The following AGBL3 variants were observed in gnomAD, a reference collection of about 807,000 sequenced individuals.
AGBL3 encodes the protein AGBL carboxypeptidase 3.
AGBL3 carries 68 observed loss-of-function variants against 94.5 expected under a neutral mutation model. The observed-to-expected ratio is 0.72, with a 90% CI of 0.59 to 0.88. The LOEUF (loss-of-function observed/expected upper bound fraction) is 0.88, where lower values mean the gene tolerates loss of function less well. Ranked by LOEUF, AGBL3 falls within the 40% of genes least tolerant of loss-of-function variation. The pLI, the probability that AGBL3 is intolerant of heterozygous loss-of-function variation, is 0.00. For missense variants in AGBL3, 934 were observed against 1,103.8 expected, an observed-to-expected ratio of 0.85 and a Z score of 2.18; for synonymous variants, 354 against 370.7, an observed-to-expected ratio of 0.95 and a Z score of 0.52.
chr7:135,069,146 G>C (rs1169651226), intron 12 of AGBL3, among the ~76,000 whole-genome samples: 1 of 152,152 alleles, frequency 6.6e-6, no homozygotes, highest in East Asian at 1.9e-4. Context: ...TTACATAATG[G>C]TAAAGGGATC....
intron 15 of AGBL3, among the ~76,000 whole-genome samples, chr7:135,099,377 T>G (rs547834410): frequency 6.6e-6 from 1 of 152,298 alleles, no homozygotes. Context: ...TTTGTGTGTC[T>G]GAATGAAACA....
intron 5 of AGBL3, among the ~76,000 whole-genome samples, chr7:135,027,779 C>T (rs113524960): frequency 8.6e-5 from 13 of 151,642 alleles, no homozygotes; most frequent in African/African-American, 3.1e-4. Context: ...GAGATGGACA[C>T]CCTAAACACC....
At chr7:135,071,217 A>C (rs1819875067) in intron 12 of AGBL3, among the ~76,000 whole-genome samples, 2 of 152,198 alleles carry the variant, frequency 1.3e-5, no homozygotes, top group African/African-American at 4.8e-5. Context: ...TCAATGAAAT[A>C]AAAGAGGATA....
chr7:135,128,477 T>G, intron 16 of AGBL3: 1 of 750,802 alleles, frequency 1.3e-6, no homozygotes. Flanking sequence ...GAGGATGAAT[T>G]GCTGGCCCCA....
chr7:135,064,409 C>G (rs1395171152), intron 12 of AGBL3, among the ~76,000 whole-genome samples: 1 of 152,134 alleles, frequency 6.6e-6, no homozygotes, highest in Admixed American at 6.6e-5. Flanking sequence ...GATCTTTGAT[C>G]AGAGGAATGA....
chr7:135,060,087 C>T (rs892854454), intron 12 of AGBL3, among the ~76,000 whole-genome samples: 3 of 152,138 alleles, frequency 2.0e-5, no homozygotes, highest in African/African-American at 7.2e-5. Context: ...CCGGAGTACA[C>T]AAGGTTAAAC....
chr7:135,005,093 A>G (rs1812216462), intron 4 of AGBL3, among the ~76,000 whole-genome samples: 1 of 151,658 alleles, frequency 6.6e-6, no homozygotes, highest in Non-Finnish European at 1.5e-5. Flanking sequence ...GCTTTATCAC[A>G]TATGTAGCCA....
intron 16 of AGBL3, among the ~76,000 whole-genome samples, chr7:135,125,333 A>G (rs966993025): frequency 3.3e-5 from 5 of 152,202 alleles, no homozygotes; most frequent in Non-Finnish European, 7.3e-5. Context: ...CACCCTCCCA[A>G]GACTAAACCA....
At chr7:135,115,721 T>C in intron 16 of AGBL3, 110 bp downstream of exon 16, 1 of 878,650 alleles carries the variant, frequency 1.1e-6, no homozygotes, top group Non-Finnish European at 1.7e-6. Context: ...TTGAAAATGA[T>C]GTCAGCTCCA....
At chr7:135,010,011 T>C in intron 4 of AGBL3, 1 of 427,894 alleles carries the variant, frequency 2.3e-6, no homozygotes, top group South Asian at 1.6e-5. Flanking sequence ...GTTGTAAGGG[T>C]GAGGATGACA....
At chr7:135,115,276 T>A in intron 15 of AGBL3, 104 bp from the exon 16 acceptor site, 1 of 697,550 alleles carries the variant, frequency 1.4e-6, no homozygotes, top group Non-Finnish European at 2.4e-6. Flanking sequence ...AAGCTTCAGA[T>A]GGGCAAGGAA....
At chr7:135,076,772 G>A (rs1326648366) in intron 13 of AGBL3, among the ~76,000 whole-genome samples, 2 of 139,552 alleles carry the variant, frequency 1.4e-5, no homozygotes, top group Non-Finnish European at 3.2e-5. Flanking sequence ...AAAATTAACT[G>A]GGAATATAAG....
chr7:135,129,300 C>G (rs1263404019), intron 16 of AGBL3: 1 of 1,475,278 alleles, frequency 6.8e-7, no homozygotes, highest in Admixed American at 1.7e-5. Flanking sequence ...GTTGACCTAC[C>G]ATGGGGTCTC....
intron 2 of AGBL3, 132 bp from the exon 3 acceptor site, chr7:134,989,118 C>T (rs1809878611): frequency 1.6e-6 from 1 of 615,630 alleles, no homozygotes; most frequent in Non-Finnish European, 2.8e-6. Context: ...TGATAATAAT[C>T]CTTTAATTTT....
chr7:135,006,477 G>A (rs1038747082), intron 4 of AGBL3, among the ~76,000 whole-genome samples: 1 of 151,942 alleles, frequency 6.6e-6, no homozygotes, highest in African/African-American at 2.4e-5. Flanking sequence ...CTAGCTGAGT[G>A]CAGGGCCTTA....
At chr7:135,093,621 T>C (rs1160181583) in intron 15 of AGBL3, 1 of 152,178 alleles carries the variant, frequency 6.6e-6, no homozygotes, top group African/African-American at 2.4e-5. Flanking sequence ...AAGCTTTAAA[T>C]AAATGGCAAG....
rs145821466 is a variant in AGBL3 at position 135,007,115 on chromosome 7, A to T, written c.311-9937A>T. ...CTTCCAAACATTTAATGTTTAGAAC[A>T]TTCTACCAAACAATTCCTAATTCTT... On this transcript the variant is annotated intron_variant, in intron 4 of 16. Transcript: ENST00000436302. 4.3e-3 allele frequency among the ~76,000 whole-genome samples: 658 copies of T among 152,056 alleles called. 5 individuals are homozygous for T. Among genetic ancestry groups the T allele is most frequent in the African/African-American group, 0.015 (624 of 41,542 alleles).
At chr7:135,122,185 G>A (rs1827232086) in intron 16 of AGBL3, among the ~76,000 whole-genome samples, 1 of 152,184 alleles carries the variant, frequency 6.6e-6, no homozygotes, top group Non-Finnish European at 1.5e-5. Context: ...TCCAGGCTGT[G>A]CTTTTCCTCT....
intron 15 of AGBL3, among the ~76,000 whole-genome samples, chr7:135,091,036 A>C (rs1821783986): frequency 6.6e-6 from 1 of 152,062 alleles, no homozygotes; most frequent in East Asian, 1.9e-4. Flanking sequence ...GAATGCAGGG[A>C]CCTCAGTGGT....
Sources: gnomAD v4.1 joint callset for allele counts (sites outside exome capture counted in the v4.1 genomes callset) on GRCh38, gnomAD v4.1.1 for gene constraint, MANE v1.5 for transcripts, NCBI Gene and HGNC (gene_info 2026-07-23, HGNC 2026-07-21) for gene names.